Variants in P3H3 observed in about 807,000 individuals in gnomAD.
The protein encoded by P3H3 is prolyl 3-hydroxylase 3.
In P3H3, 64 loss-of-function variants were observed where a neutral mutation model predicts 78.1. The observed-to-expected ratio is 0.82, with a 90% confidence interval of 0.67 to 1.01. The LOEUF (loss-of-function observed/expected upper bound fraction) is 1.01, where lower values mean the gene tolerates loss of function less well. Among genes scored for constraint, P3H3 ranks in the 50% least tolerant of loss-of-function variants. The pLI, the probability that P3H3 is intolerant of heterozygous loss-of-function variation, is 0.00. For missense variants in P3H3, 975 were observed against 982.2 expected (o/e 0.99, Z 0.10); for synonymous variants, 425 against 416.7 (o/e 1.02, Z -0.24).
chr12:6,837,591 C>A lies in P3H3; in HGVS notation c.1711+18C>A, dbSNP rs782768023. The A allele has an allele frequency of 1.9e-6, 3 of 1,609,408 alleles. No homozygotes were observed. In the Admixed American group the frequency reaches 5.0e-5, roughly 27 times the overall value. On this transcript the variant is annotated intron_variant, in intron 11 of 14. Coordinates refer to ENST00000290510, the MANE Select transcript of P3H3 (RefSeq NM_014262.5). ...CATAGAAGGTACGACAGGGACCCCC[C>A]ACTGCTCTTCTCCAACCTCAGGCCC...
chr12:6,833,308 T>C (rs1157499171), intron 6 of P3H3: 1 of 468,744 alleles, frequency 2.1e-6, no homozygotes, highest in Non-Finnish European at 3.9e-6. Flanking sequence ...TTTAATATTC[T>C]GTTTCATGAG....
intron 6 of P3H3, among the ~76,000 whole-genome samples, chr12:6,833,129 C>G (rs1171208335): frequency 6.6e-6 from 1 of 151,952 alleles, no homozygotes; most frequent in Non-Finnish European, 1.5e-5. Flanking sequence ...GAGCTGAGAT[C>G]GCGCCATAGC....
intron 6 of P3H3, 97 bp from the exon 7 acceptor site, chr12:6,833,495 G>C: frequency 7.8e-7 from 1 of 1,280,854 alleles, no homozygotes; most frequent in Non-Finnish European, 1.1e-6. Flanking sequence ...CTTCCTCTCT[G>C]GAAACAGAAG....
At chr12:6,832,338 TCA>T in intron 6 of P3H3, among the ~76,000 whole-genome samples, 1 of 152,220 alleles carries the variant, frequency 6.6e-6, no homozygotes. Flanking sequence ...GCAGGCGTTC[TCA>T]GTCTTCCTGG....
In P3H3 at chr12:6,830,436, G is replaced by T. The variant is rs1555121156; in HGVS notation, c.735G>T (p.Gly245=). 3 of 1,587,034 alleles carry T rather than the reference G, an allele frequency of 1.9e-6. No individual in the cohort carries two copies. The highest frequency in any genetic ancestry group is 2.3e-5 in the South Asian group (2 of 87,116). The part of the protein sequence containing the change: ...ALPRLEEALQ[G]SLAQMESCRA... ...CCAGGCTAGAGGAGGCTCTTCAGGG[G>T]AGCCTGGCCCAGATGGAGAGCTGCC... The change falls in exon 3 of 15, where the codon GGG becomes GGT. Residue 245 remains glycine, a synonymous_variant. Transcript: ENST00000290510.
intron 9 of P3H3, among the ~76,000 whole-genome samples, chr12:6,835,607 A>G (rs1052819289): frequency 1.3e-5 from 2 of 151,620 alleles, no homozygotes; most frequent in South Asian, 4.2e-4. Flanking sequence ...TTTTTAAATA[A>G]TTAATTAATT....
chr12:6,839,608 A>C lies in P3H3; in HGVS notation c.*147A>C. On this transcript the variant is annotated 3_prime_UTR_variant, in exon 15 of 15. Transcript: ENST00000290510. ...CACCCCCACCATCTTGGGGACCTAC[A>C]AGGGCCTGGACTCAGAGGACAGTGC... 1.1e-5 allele frequency: 11 copies of C among 994,064 alleles called. No homozygotes were observed. The highest frequency in any genetic ancestry group is 2.6e-5 in the East Asian group (1 of 37,794). The allele number at this position is 994,064 out of a possible 1,614,324, so 61.6% of individuals were successfully genotyped here. A position where few individuals can be genotyped will look rare whatever the true frequency, so the allele number is the denominator to read the frequency against.
chr12:6,830,392 G>A lies in P3H3; in HGVS notation c.691G>A (p.Glu231Lys), dbSNP rs1555121134. The stretch of plus-strand genomic sequence containing the variant: ...TGGCCTGGAGCTACTGGGGCGCCAG[G>A]AGGCAGGACTGGCACTGCCCAGGCT... ...DTGLELLGRQ[E>K]AGLALPRLEE... The change falls in exon 3 of 15, where the codon GAG becomes AAG. Residue 231 changes from glutamate (E) to lysine (K), a missense_variant. Physicochemically the swap from Glu to Lys is moderately conservative, Grantham distance 56. Coordinates refer to ENST00000290510, the MANE Select transcript of P3H3 (RefSeq NM_014262.5). 1.3e-6 allele frequency: 2 copies of A among 1,589,296 alleles called. No homozygotes were observed. Among genetic ancestry groups the A allele is most frequent in the Non-Finnish European group, 1.7e-6 (2 of 1,169,152 alleles).
chr12:6,837,228 A>C, intron 10 of P3H3, 142 bp downstream of exon 10: 1 of 996,390 alleles, frequency 1.0e-6, no homozygotes, highest in Non-Finnish European at 1.5e-6. Flanking sequence ...GCGTGGAGAA[A>C]AGGGATGTTC....
At chr12:6,838,876 T>G in intron 13 of P3H3, 124 bp from the exon 14 acceptor site, 7 of 717,374 alleles carry the variant, frequency 9.8e-6, no homozygotes, top group Admixed American at 7.0e-5. Context: ...AATTAAGGAG[T>G]AGGAAGTGGT....
rs1478548149 is a variant in P3H3 at position 6,830,108 on chromosome 12, A to G, written c.651+97A>G. ...TGTGCGTTGTGCTGCTTGAGCATAC[A>G]GATGGGGTAATGATCCTCAGCGACC... On this transcript the variant is annotated intron_variant, in intron 2 of 14. Coordinates refer to ENST00000290510, the MANE Select transcript of P3H3 (RefSeq NM_014262.5). The G allele has an allele frequency of 2.0e-6, 3 of 1,488,844 alleles. No individual in the cohort carries two copies. The African/African-American group carries it at 4.2e-5, about 21-fold the overall frequency. 92.2% of individuals were successfully genotyped at this position (1,488,844 alleles called of 1,614,324 possible).
rs1943449164 is a variant in P3H3, at chr12:6,831,326, C to A, written c.1096C>A (p.Pro366Thr). ...CCAGTACCAGGCCCAGCTGGGAGAG[C>A]CGAGACCTGGCCTCGGACCCAGAGA... ...LNQYQAQLGE[P>T]RPGLGPREDI... The change falls in exon 5 of 15, where the codon CCG becomes ACG. Residue 366 changes from proline (P) to threonine (T), a missense_variant. Coordinates refer to ENST00000290510, the MANE Select transcript of P3H3 (RefSeq NM_014262.5). The surrounding 1 kb of genome is among the most constrained non-coding windows in gnomAD (Gnocchi z 4.6). 1.2e-5 allele frequency: 19 copies of A among 1,613,890 alleles called. No homozygotes were observed. The East Asian group carries it at 4.2e-4, about 36-fold the overall frequency.
intron 4 of P3H3, 200 bp downstream of exon 4, chr12:6,830,970 C>A: frequency 1.2e-6 from 1 of 854,880 alleles, no homozygotes. Context: ...TTCCTTCTGC[C>A]TTGCTGCTTC....
Position 6,839,599 on chromosome 12 carries a change from G to GGGGTGCA in P3H3, c.*140_*141insGTGCAGG. The GGGGTGCA allele has an allele frequency of 1.9e-6, 2 of 1,078,962 alleles. No homozygotes were observed. The highest frequency in any genetic ancestry group is 2.6e-6 in the Non-Finnish European group (2 of 768,912). The allele number at this position is 1,078,962 out of a possible 1,614,324, so 66.8% of individuals were successfully genotyped here. A position where few individuals can be genotyped will look rare whatever the true frequency, so the allele number is the denominator to read the frequency against. On this transcript the variant is annotated 3_prime_UTR_variant, in exon 15 of 15. Coordinates refer to ENST00000290510, the MANE Select transcript of P3H3 (RefSeq NM_014262.5). ...CTGTCCCTGCACCCCCACCATCTTG[G>GGGGTGCA]GGACCTACAAGGGCCTGGACTCAGA... is the stretch of plus-strand genomic sequence containing the variant.
At position 6,839,823 on chromosome 12, in the gene P3H3, C is replaced by A; in HGVS notation, c.*362C>A. ...CCCTGCTCCTCTCTCCCAGTCTGTG[C>A]AATAAAGGTCGTGAAGATCTCTCAG... On this transcript the variant is annotated 3_prime_UTR_variant, in exon 15 of 15. Coordinates refer to ENST00000290510, the MANE Select transcript of P3H3 (RefSeq NM_014262.5). 4.7e-6 allele frequency: 1 copy of A among 210,618 alleles called. No homozygotes were observed. Among genetic ancestry groups the A allele is most frequent in the East Asian group, 9.6e-5 (1 of 10,390 alleles). The allele number at this position is 210,618 out of a possible 1,614,324, so 13.0% of individuals were successfully genotyped here.
At chr12:6,830,041 C>T (rs1555121075) in intron 2 of P3H3, 30 bp downstream of exon 2, 1 of 1,611,604 alleles carries the variant, frequency 6.2e-7, no homozygotes, top group East Asian at 2.2e-5. Context: ...CCCTGTCTTG[C>T]CACCAGCCTT....
chr12:6,829,337 T>G lies in P3H3; in HGVS notation c.498+399T>G. 4.6e-6 allele frequency: 1 copy of G among 216,548 alleles called. No homozygotes were observed. The highest frequency in any genetic ancestry group is 8.9e-6 in the Non-Finnish European group (1 of 111,964). The allele number at this position is 216,548 out of a possible 1,614,324, so 13.4% of individuals were successfully genotyped here. On this transcript the variant is annotated intron_variant, in intron 1 of 14. Coordinates refer to ENST00000290510, the MANE Select transcript of P3H3 (RefSeq NM_014262.5). This position sits in a 1 kb window ranked among gnomAD's most constrained non-coding sequence, Gnocchi z 5.1. ...GTGAACCTTCGCTTGGGGCAGGAGGTAGCTTCGGAAAGGAAGGAGCAGACG... is the reference window on the plus strand; with the variant it reads ...GTGAACCTTCGCTTGGGGCAGGAGGGAGCTTCGGAAAGGAAGGAGCAGACG...
chr12:6,829,593 G>A lies in P3H3; in HGVS notation c.499-266G>A, dbSNP rs1023828520. The A allele has an allele frequency of 6.3e-6, 3 of 479,420 alleles. No homozygotes were observed. Among genetic ancestry groups the A allele is most frequent in the Non-Finnish European group, 1.1e-5 (3 of 266,178 alleles). 29.7% of individuals were successfully genotyped at this position (479,420 alleles called of 1,614,324 possible). ...CTTCCACCTGGTCTCCCAAATTGAG[G>A]TCCTGAAGTCCTGAGACCCATGTCC... On this transcript the variant is annotated intron_variant, in intron 1 of 14. Transcript: ENST00000290510. This position sits in a 1 kb window ranked among gnomAD's most constrained non-coding sequence, Gnocchi z 5.1.
chr12:6,836,232 A>C (rs1182060230), intron 9 of P3H3, among the ~76,000 whole-genome samples: 1 of 36,318 alleles, frequency 2.8e-5, no homozygotes, highest in Non-Finnish European at 5.0e-5. Context: ...AAAAACAAAA[A>C]ATGAAAAAAA....
Sources: gnomAD v4.1 joint callset for allele counts (sites outside exome capture counted in the v4.1 genomes callset) on GRCh38, gnomAD v4.1.1 for gene constraint, Gnocchi (gnomAD v3.1) non-coding constraint, MANE v1.5 for transcripts, NCBI Gene and HGNC (gene_info 2026-07-23, HGNC 2026-07-21) for gene names.